Variants in TTC34 observed in about 807,000 individuals in gnomAD.
TTC34 encodes tetratricopeptide repeat protein 34.
Under a neutral mutation model 40.7 loss-of-function variants are expected in TTC34, and 44 were observed. The ratio of observed to expected loss-of-function variants is 1.08; its 90% CI spans 0.85 to 1.39. The LOEUF is 1.39. TTC34 is among the 40% of genes most tolerant of loss of function. TTC34 has a pLI of 0.00. For synonymous variants in TTC34, 422 were observed against 398.6 expected (o/e 1.06, Z -0.70); for missense variants, 884 against 838.0 (o/e 1.05, Z -0.68).
chr1:2,685,766 T>G (rs1279257222), intron 6 of TTC34, among the ~76,000 whole-genome samples: 91 of 126,380 alleles, frequency 7.2e-4, no homozygotes, highest in African/African-American at 1.3e-3. Flanking sequence ...CACCCACAGG[T>G]GAGCATCTGA....
intron 6 of TTC34, among the ~76,000 whole-genome samples, chr1:2,688,376 G>A (rs1258437108): frequency 1.3e-4 from 20 of 151,714 alleles, no homozygotes; most frequent in Non-Finnish European, 1.5e-4. Context: ...ACACGCCCAG[G>A]TGAGCATCTG....
Position 2,645,587 on chromosome 1 carries a change from G to GCGC in TTC34, c.2227-25_2227-24insGCG. ...TCCTGCAAGGAGGGAGGGCGGGCGG[G>GCGC]TGCAGAGTTGTCCTAAGTAGAGAAA... On this transcript the variant is annotated intron_variant, in intron 6 of 8. Transcript: ENST00000401095. The surrounding 1 kb of genome is among the most constrained non-coding windows in gnomAD (Gnocchi z 4.7). 1 of 229,534 alleles carries GCGC rather than the reference G, an allele frequency of 4.4e-6. No individual in the cohort carries two copies. The allele number at this position is 229,534 out of a possible 1,614,324, so 14.2% of individuals were successfully genotyped here.
rs547131588 is a variant in TTC34, at chr1:2,695,076, C to A, written c.2227-49513G>T. 5.3e-5 allele frequency among the ~76,000 whole-genome samples: 8 copies of A among 150,622 alleles called. 1 individual carries two copies. The highest frequency in any genetic ancestry group is 1.3e-4 in the Admixed American group (2 of 15,174). The stretch of plus-strand genomic sequence containing the variant: ...ACACACTGAAACAGCACACACACCC[C>A]CAGGCGAGCATCTGACAACCTGGAA... On this transcript the variant is annotated intron_variant, in intron 6 of 8. Transcript: ENST00000401095.
chr1:2,644,398 C>G (rs1638975941), exon 8 of TTC34: 2 of 1,535,970 alleles, frequency 1.3e-6, no homozygotes, highest in Non-Finnish European at 1.7e-6. Context: ...TGGAGCAGGC[C>G]CAGCCGGGCC....
chr1:2,775,225 A>G (rs1295093387), intron 6 of TTC34: 1 of 147,008 alleles, frequency 6.8e-6, no homozygotes, highest in Non-Finnish European at 1.5e-5. Flanking sequence ...AACAGCATCC[A>G]CACCCCCAGG....
rs1326392305 is a variant in TTC34 at position 2,752,084 on chromosome 1, C to A, written c.2226+31525G>T. ...AACATCTGAACGCACGGAGCAGCAC[C>A]CACACCTTCAGGCGAGCATCGGACA... On this transcript the variant is annotated intron_variant, in intron 6 of 8. Transcript: ENST00000401095. Among the ~76,000 whole-genome samples, 3 of 114,148 alleles carry A rather than the reference C, an allele frequency of 2.6e-5. 1 individual carries two copies. The highest frequency in any genetic ancestry group is 5.2e-5 in the Non-Finnish European group (3 of 57,608). The allele number at this position is 114,148 out of a possible 152,430, so 74.9% of individuals were successfully genotyped here.
At chr1:2,787,208 A>G (rs1643601822) in intron 4 of TTC34, among the ~76,000 whole-genome samples, 1 of 152,212 alleles carries the variant, frequency 6.6e-6, no homozygotes, top group Non-Finnish European at 1.5e-5. Context: ...GGAAGCAAGT[A>G]CGACAAAGCA....
chr1:2,675,182 C>T (rs1256568048), intron 6 of TTC34, among the ~76,000 whole-genome samples: 6 of 144,582 alleles, frequency 4.1e-5, no homozygotes, highest in African/African-American at 1.5e-4. Flanking sequence ...CATCTGACAT[C>T]CTGGAGCAGC....
Position 2,683,270 on chromosome 1 carries a change from C to A in TTC34, c.2227-37707G>T, listed in dbSNP as rs1326050682. On this transcript the variant is annotated intron_variant, in intron 6 of 8. Coordinates refer to ENST00000401095, the Ensembl canonical transcript of TTC34. ...CTGATGGTTTGCAGCAGCACCCACA[C>A]CCACAGGTGAGCATCTGACAGCCTG... is the stretch of plus-strand genomic sequence containing the variant. Among the ~76,000 whole-genome samples, 14 of 148,746 alleles carry A rather than the reference C, an allele frequency of 9.4e-5. No individual in the cohort carries two copies. In the East Asian group the frequency reaches 9.9e-4, roughly 10 times the overall value.
intron 6 of TTC34, among the ~76,000 whole-genome samples, chr1:2,677,789 A>ATGGTTTG (rs1557602010): frequency 1.7e-5 from 1 of 57,904 alleles, no homozygotes; most frequent in African/African-American, 7.0e-5. Flanking sequence ...TGAGCATCTG[A>ATGGTTTG]CCGCATCACA....
exon 9 of TTC34, chr1:2,640,289 A>T (rs1051949523): frequency 6.6e-6 from 1 of 152,272 alleles, no homozygotes; most frequent in Non-Finnish European, 1.5e-5. Context: ...TGTGACACTC[A>T]CAGTGATGGG....
intron 6 of TTC34, among the ~76,000 whole-genome samples, chr1:2,683,450 A>G (rs1426098994): frequency 2.7e-5 from 4 of 150,126 alleles, no homozygotes; most frequent in South Asian, 2.1e-4. Context: ...TGAGCATCCG[A>G]CAGCCTGGAG....
Position 2,651,982 on chromosome 1 carries a change from T to C in TTC34, c.2227-6419A>G, listed in dbSNP as rs368908348. On this transcript the variant is annotated intron_variant, in intron 6 of 8. Transcript: ENST00000401095. ...CTTCCACCTCTAAGTGAGCATCTGA[T>C]GGTCTGGAGCAGCATCCATACCCCA... 1.8e-3 allele frequency among the ~76,000 whole-genome samples: 258 copies of C among 145,332 alleles called. 14 individuals are homozygous for C. Among genetic ancestry groups the C allele is most frequent in the Admixed American group, 3.1e-3 (45 of 14,326 alleles).
At chr1:2,754,285 AC>A (rs1405477839) in intron 6 of TTC34, among the ~76,000 whole-genome samples, 1 of 43,302 alleles carries the variant, frequency 2.3e-5, no homozygotes, top group Non-Finnish European at 3.8e-5. Flanking sequence ...ACAGCCTGGA[AC>A]AGCACGCACA....
At chr1:2,686,097 G>C (rs1425038172) in intron 6 of TTC34, among the ~76,000 whole-genome samples, 13 of 133,978 alleles carry the variant, frequency 9.7e-5, no homozygotes, top group Non-Finnish European at 1.9e-4. Flanking sequence ...GCGAGCATCT[G>C]ACAGCCTGGA....
At chr1:2,791,197 G>T (rs1297618337) in intron 2 of TTC34, among the ~76,000 whole-genome samples, 2 of 152,012 alleles carry the variant, frequency 1.3e-5, no homozygotes, top group Non-Finnish European at 2.9e-5. Context: ...GGTAAGGGAA[G>T]TGTAGCTGCC....
intron 2 of TTC34, 41 bp downstream of exon 2, chr1:2,800,003 G>C (rs1643754687): frequency 2.5e-6 from 1 of 398,360 alleles, no homozygotes; most frequent in Admixed American, 4.4e-5. Context: ...GGCGGGGGCA[G>C]CTTTCACCCT....
Position 2,645,087 on chromosome 1 carries a change from C to T in TTC34, c.2497+206G>A, listed in dbSNP as rs999294278. On this transcript the variant is annotated intron_variant, in intron 7 of 8. Coordinates refer to ENST00000401095, the Ensembl canonical transcript of TTC34. The surrounding 1 kb of genome is among the most constrained non-coding windows in gnomAD (Gnocchi z 4.7). ...CCTCCATTGCAAGCAAAGAGCCACC[C>T]GGGTAAAGCAGAGGAGAGCCTTTTG... Among the ~76,000 whole-genome samples the T allele has an allele frequency of 2.0e-5, 3 of 152,130 alleles. No homozygotes were observed. The highest frequency in any genetic ancestry group is 2.9e-5 in the Non-Finnish European group (2 of 68,014).
intron 2 of TTC34, among the ~76,000 whole-genome samples, chr1:2,799,552 AAAT>A (rs1643751004): frequency 6.6e-6 from 1 of 152,120 alleles, no homozygotes; most frequent in Non-Finnish European, 1.5e-5. Flanking sequence ...TCAAAAAAAA[AAAT>A]GCAGCTCAGA....
Sources: allele counts gnomAD v4.1 joint callset (sites outside exome capture counted in the v4.1 genomes callset), GRCh38; gene constraint gnomAD v4.1.1; non-coding constraint Gnocchi (gnomAD v3.1); transcripts MANE v1.5; gene names NCBI Gene and HGNC (gene_info 2026-07-23, HGNC 2026-07-21).